The following TASP1 variants were observed in gnomAD, a reference collection of about 807,000 sequenced individuals.
TASP1 encodes threonine aspartase 1.
A neutral mutation model predicts 56.6 loss-of-function variants in TASP1; 16 were observed. The observed-to-expected ratio is 0.28, with a 90% CI of 0.19 to 0.43. The LOEUF (loss-of-function observed/expected upper bound fraction) is 0.43. TASP1 is among the 20% of genes least tolerant of loss of function. TASP1 has a pLI of 1.00. For missense variants in TASP1, 393 were observed against 511.6 expected, an observed-to-expected ratio of 0.77 and a Z score of 2.24; for synonymous variants, 179 against 184.2, an observed-to-expected ratio of 0.97 and a Z score of 0.23.
the TASP1 span, among the ~76,000 whole-genome samples, chr20:13,268,112 C>CTCTCTTCTCT: frequency 1.2e-5 from 1 of 86,550 alleles, no homozygotes; most frequent in African/African-American, 5.5e-5. Context: ...CTCTCCTCTC[C>CTCTCTTCTCT]TGTCTTCTCT....
At chr20:13,559,703 T>A (rs542693513) in intron 7 of TASP1, among the ~76,000 whole-genome samples, 1 of 152,308 alleles carries the variant, frequency 6.6e-6, no homozygotes, top group African/African-American at 2.4e-5. Context: ...TCTTATTACC[T>A]GTGAGATCCC....
the TASP1 span, among the ~76,000 whole-genome samples, chr20:13,303,556 C>T: frequency 5.9e-5 from 9 of 152,158 alleles, no homozygotes; most frequent in African/African-American, 2.2e-4. Context: ...CCTACATGCC[C>T]AGGTTCCAGC....
At chr20:13,457,652 G>T (rs1367272055) in intron 11 of TASP1, among the ~76,000 whole-genome samples, 1 of 151,850 alleles carries the variant, frequency 6.6e-6, no homozygotes, top group African/African-American at 2.4e-5. Context: ...GAAGTATACA[G>T]TTTCTTAAAT....
chr20:13,352,695 G>T, the TASP1 span, among the ~76,000 whole-genome samples: 1 of 152,126 alleles, frequency 6.6e-6, no homozygotes, highest in Non-Finnish European at 1.5e-5. Flanking sequence ...GTGGCATGTT[G>T]ACTAGCTTGG....
the TASP1 span, chr20:13,117,773 G>T: frequency 4.6e-6 from 7 of 1,519,526 alleles, no homozygotes; most frequent in Admixed American, 5.9e-5. Context: ...GCGCCCTGGG[G>T]ATGCCGTGTG....
At chr20:13,524,947 G>T (rs1468293058) in intron 10 of TASP1, among the ~76,000 whole-genome samples, 1 of 152,208 alleles carries the variant, frequency 6.6e-6, no homozygotes, top group African/African-American at 2.4e-5. Flanking sequence ...TGTACACATA[G>T]AAAGGTATGG....
At chr20:13,157,360 C>T in the TASP1 span, among the ~76,000 whole-genome samples, 6 of 151,970 alleles carry the variant, frequency 3.9e-5, no homozygotes, top group African/African-American at 7.3e-5. Context: ...TCGCTGGAAC[C>T]CGGGAGGTGG....
chr20:13,489,809 T>C (rs1374155116), intron 10 of TASP1, among the ~76,000 whole-genome samples: 1 of 152,228 alleles, frequency 6.6e-6, no homozygotes, highest in Non-Finnish European at 1.5e-5. Flanking sequence ...TTCAGTGGCA[T>C]TAAGTACATT....
intron 13 of TASP1, chr20:13,393,525 A>T (rs1307423250): frequency 1.3e-6 from 1 of 797,684 alleles, no homozygotes; most frequent in Non-Finnish European, 2.2e-6. Context: ...TGTCTCCTCC[A>T]ACAGTGATAC....
chr20:13,484,487 C>T lies in TASP1; in HGVS notation c.875-1150G>A, dbSNP rs574768950. ...CAGTGGCTCACGCCTGTAATCCCAA[C>T]ACTTTGGGAGGCCGAGGTGGGTGGA... On this transcript the variant is annotated intron_variant, in intron 10 of 13. Transcript: ENST00000337743. Among the ~76,000 whole-genome samples, 9 of 152,214 alleles carry T rather than the reference C, an allele frequency of 5.9e-5. No homozygotes were observed. The South Asian group carries it at 1.9e-3, about 32-fold the overall frequency.
intron 11 of TASP1, among the ~76,000 whole-genome samples, chr20:13,477,982 C>T (rs2043001180): frequency 6.6e-6 from 1 of 152,108 alleles, no homozygotes; most frequent in East Asian, 1.9e-4. Flanking sequence ...TGGTCTATCA[C>T]ATTAAAGTCT....
the TASP1 span, chr20:13,299,543 C>A: frequency 3.0e-5 from 38 of 1,249,740 alleles, no homozygotes; most frequent in East Asian, 7.9e-4. The surrounding 1 kb of genome is among the most constrained non-coding windows in gnomAD (Gnocchi z 5.8). Context: ...GCGCCGAGAC[C>A]TTCATAGCTG....
intron 5 of TASP1, among the ~76,000 whole-genome samples, chr20:13,581,495 G>C (rs1420580015): frequency 6.6e-6 from 1 of 152,216 alleles, no homozygotes; most frequent in Admixed American, 6.5e-5. Flanking sequence ...CTACAAGAGA[G>C]ACAGAACGGG....
rs139396930 is a variant in TASP1, at chr20:13,410,510, T to A, written c.1170+6938A>T. Among the ~76,000 whole-genome samples the A allele has an allele frequency of 2.2e-4, 33 of 152,344 alleles. No individual in the cohort carries two copies. The East Asian group carries it at 6.0e-3, about 28-fold the overall frequency. Reference sequence around the variant, plus strand: ...GACCTGCTATATTTTGTCTTTTTAATAACTGCTATTCCAAGTGGGGTAAGA... The same window carrying A: ...GACCTGCTATATTTTGTCTTTTTAAAAACTGCTATTCCAAGTGGGGTAAGA... On this transcript the variant is annotated intron_variant, in intron 13 of 13. Transcript: ENST00000337743.
At chr20:13,586,714 A>C (rs2047318060) in intron 5 of TASP1, among the ~76,000 whole-genome samples, 1 of 152,220 alleles carries the variant, frequency 6.6e-6, no homozygotes, top group Non-Finnish European at 1.5e-5. Flanking sequence ...AACATGAGAC[A>C]TATCTTTTAT....
intron 12 of TASP1, among the ~76,000 whole-genome samples, chr20:13,432,184 T>G (rs1485583647): frequency 6.6e-6 from 1 of 152,176 alleles, no homozygotes; most frequent in Non-Finnish European, 1.5e-5. Context: ...ACAATAAAAT[T>G]AAACATATTA....
intron 13 of TASP1, among the ~76,000 whole-genome samples, chr20:13,400,479 T>C (rs774321924): frequency 5.9e-5 from 9 of 152,232 alleles, no homozygotes; most frequent in Admixed American, 1.3e-4. Flanking sequence ...AGGAAGCACA[T>C]TTAAAATAAC....
intron 10 of TASP1, among the ~76,000 whole-genome samples, chr20:13,520,934 AC>A (rs1200104584): frequency 6.6e-6 from 1 of 152,208 alleles, no homozygotes; most frequent in South Asian, 2.1e-4. Flanking sequence ...CAAGAAAAAA[AC>A]AAACAACCCC....
Position 13,435,063 on chromosome 20 carries a change from T to C in TASP1, c.1077A>G (p.Gln359=). The change falls in exon 12 of 14, where the codon CAA becomes CAG. Residue 359 remains glutamine, a synonymous_variant. Coordinates refer to ENST00000337743, the MANE Select transcript of TASP1 (RefSeq NM_017714.3). ...ACTTACCTAGAAGTGTCTGCTTATTTTGGGAGGAGTCAGGCTCGGCAGAAC... is the reference window on the plus strand; with the variant it reads ...ACTTACCTAGAAGTGTCTGCTTATTCTGGGAGGAGTCAGGCTCGGCAGAAC... ...CRCSAEPDSS[Q]NKQTLLVEFL... 1 of 1,611,092 alleles carries C rather than the reference T, an allele frequency of 6.2e-7. No individual in the cohort carries two copies. The highest frequency in any genetic ancestry group is 8.5e-7 in the Non-Finnish European group (1 of 1,178,558).
Sources: gnomAD v4.1 joint callset for allele counts (sites outside exome capture counted in the v4.1 genomes callset) on GRCh38, gnomAD v4.1.1 for gene constraint, Gnocchi (gnomAD v3.1) non-coding constraint, MANE v1.5 for transcripts, NCBI Gene and HGNC (gene_info 2026-07-23, HGNC 2026-07-21) for gene names.